PAFAH1B1: variants seen among roughly 807,000 people sequenced by gnomAD.
PAFAH1B1 encodes the protein platelet activating factor acetylhydrolase 1b regulatory subunit 1, also known as platelet-activating factor acetylhydrolase IB subunit beta.
Under a neutral mutation model 57.5 loss-of-function variants are expected in PAFAH1B1, and 2 were observed. That is an observed-to-expected ratio of 0.03 (90% confidence interval 0.01 to 0.11). PAFAH1B1 has a LOEUF of 0.11. Ranked by LOEUF, PAFAH1B1 falls within the 10% of genes least tolerant of loss-of-function variation. The pLI, the probability that PAFAH1B1 is intolerant of heterozygous loss-of-function variation, is 1.00. For synonymous variants in PAFAH1B1, 152 were observed against 169.6 expected (o/e 0.90, Z 0.81); for missense variants, 257 against 512.0 (o/e 0.50, Z 4.81).
chr17:2,645,406 C>T (rs2068754097), intron 2 of PAFAH1B1, among the ~76,000 whole-genome samples: 1 of 151,614 alleles, frequency 6.6e-6, no homozygotes, highest in African/African-American at 2.4e-5. Context: ...CCAACCTGGC[C>T]AACATGGTGA....
intron 1 of PAFAH1B1, among the ~76,000 whole-genome samples, chr17:2,628,885 C>T (rs571714318): frequency 2.4e-4 from 36 of 152,150 alleles, no homozygotes; most frequent in Non-Finnish European, 4.6e-4. Context: ...TAAAGGTGCT[C>T]ACAGTAGCCT....
intron 1 of PAFAH1B1, among the ~76,000 whole-genome samples, chr17:2,630,503 T>C (rs937213705): frequency 1.3e-5 from 2 of 152,234 alleles, no homozygotes; most frequent in African/African-American, 4.8e-5. Context: ...GGTTTTCCTT[T>C]ATAGGTTACC....
intron 1 of PAFAH1B1, among the ~76,000 whole-genome samples, chr17:2,615,432 A>G (rs9908889): frequency 0.4 from 60,146 of 152,066 alleles, 13,421 homozygotes; most frequent in African/African-American, 0.61. Context: ...AGACAAAAGT[A>G]GGAAACTTTC....
intron 6 of PAFAH1B1, among the ~76,000 whole-genome samples, chr17:2,671,184 G>GA (rs2069174951): frequency 6.6e-6 from 1 of 151,900 alleles, no homozygotes; most frequent in Admixed American, 6.6e-5. Context: ...TTCCACGCAT[G>GA]AACACTGTTT....
intron 1 of PAFAH1B1, among the ~76,000 whole-genome samples, chr17:2,615,038 C>CTCCA (rs35382225): frequency 0.29 from 43,775 of 151,960 alleles, 6,439 homozygotes; most frequent in Middle Eastern, 0.36. Flanking sequence ...ATTCAACCAA[C>CTCCA]TCCAGATTGA....
intron 1 of PAFAH1B1, among the ~76,000 whole-genome samples, chr17:2,599,874 G>A (rs2068120383): frequency 6.7e-6 from 1 of 148,984 alleles, no homozygotes; most frequent in Non-Finnish European, 1.5e-5. Context: ...GTAAAATTAA[G>A]AATCTTTGAA....
At chr17:2,593,588 T>TGGG (rs1555520014), upstream of PAFAH1B1, among the ~76,000 whole-genome samples, 1 of 135,356 alleles carries the variant, frequency 7.4e-6, no homozygotes, top group Non-Finnish European at 1.6e-5. Context: ...CTGGCGGGTC[T>TGGG]GGGGCGGCGG....
intron 1 of PAFAH1B1, among the ~76,000 whole-genome samples, chr17:2,609,326 A>G (rs2068240430): frequency 6.6e-6 from 1 of 150,736 alleles, no homozygotes; most frequent in African/African-American, 2.4e-5. Flanking sequence ...GCCTGCCTTT[A>G]GATGAGCATA....
At chr17:2,646,328 T>C (rs186779553) in intron 2 of PAFAH1B1, among the ~76,000 whole-genome samples, 6 of 152,332 alleles carry the variant, frequency 3.9e-5, no homozygotes, top group Non-Finnish European at 7.3e-5. Context: ...AAATGAACTT[T>C]ATAGGAATGA....
chr17:2,662,378 T>TGTG (rs2069027889), intron 2 of PAFAH1B1, among the ~76,000 whole-genome samples: 9 of 123,782 alleles, frequency 7.3e-5, no homozygotes, highest in Non-Finnish European at 9.9e-5. Flanking sequence ...TTTAACCTCT[T>TGTG]TGTGTGTGTG....
chr17:2,665,564 C>T, intron 3 of PAFAH1B1, 108 bp downstream of exon 3: 1 of 695,376 alleles, frequency 1.4e-6, no homozygotes, highest in South Asian at 1.6e-5. Context: ...TTGTGGTCTA[C>T]TTGGTACTGA....
At chr17:2,612,516 C>T (rs1665973712) in intron 1 of PAFAH1B1, among the ~76,000 whole-genome samples, 1 of 150,408 alleles carries the variant, frequency 6.6e-6, no homozygotes, top group African/African-American at 2.4e-5. Context: ...CCGTATCTTC[C>T]CGACAATCTT....
chr17:2,630,240 T>G (rs2151628931), intron 1 of PAFAH1B1, among the ~76,000 whole-genome samples: 1 of 152,324 alleles, frequency 6.6e-6, no homozygotes, highest in Middle Eastern at 3.4e-3. Flanking sequence ...TCTGTTTTGA[T>G]GTGTTTCAAG....
At chr17:2,593,609 G>A (rs2068046858), upstream of PAFAH1B1, 1 of 216,698 alleles carries the variant, frequency 4.6e-6, no homozygotes, top group Non-Finnish European at 9.0e-6. Context: ...CGGCGGCGGC[G>A]GCGGCGGCGC....
In PAFAH1B1 at chr17:2,665,358, A is replaced by G. The variant is rs777496467; in HGVS notation, c.33-14A>G. ...AGGTCTTTTTTTTAGGAGTCATTTG[A>G]ATTTTTCTTTCAGAAATCGAGCTAT... is the stretch of plus-strand genomic sequence containing the variant. On this transcript the variant is annotated splice_polypyrimidine_tract_variant and intron_variant, in intron 2 of 10. Transcript: ENST00000397195. The G allele has an allele frequency of 1.3e-6, 2 of 1,506,800 alleles. No homozygotes were observed. Among genetic ancestry groups the G allele is most frequent in the Non-Finnish European group, 1.8e-6 (2 of 1,084,478 alleles). 93.3% of individuals were successfully genotyped at this position (1,506,800 alleles called of 1,614,324 possible). A position where few individuals can be genotyped will look rare whatever the true frequency, so the allele number is the denominator to read the frequency against.
chr17:2,667,892 C>T (rs1166256967), intron 5 of PAFAH1B1, among the ~76,000 whole-genome samples: 4 of 151,526 alleles, frequency 2.6e-5, no homozygotes, highest in African/African-American at 9.7e-5. Flanking sequence ...TGCCTTTGTT[C>T]CGGACACAAT....
At chr17:2,646,126 C>G (rs1332134879) in intron 2 of PAFAH1B1, among the ~76,000 whole-genome samples, 1 of 151,678 alleles carries the variant, frequency 6.6e-6, no homozygotes, top group Admixed American at 6.6e-5. Flanking sequence ...CTAAAGAAAG[C>G]AGGAAAGGGG....
intron 2 of PAFAH1B1, among the ~76,000 whole-genome samples, chr17:2,649,531 G>A (rs576793347): frequency 2.3e-4 from 33 of 141,936 alleles, no homozygotes; most frequent in African/African-American, 7.8e-4. Context: ...AGCGGATGTC[G>A]TGCCACTGCA....
chr17:2,626,932 A>T (rs1268736063), intron 1 of PAFAH1B1, among the ~76,000 whole-genome samples: 3 of 151,752 alleles, frequency 2.0e-5, no homozygotes, highest in Non-Finnish European at 4.4e-5. Context: ...CAACTTTTTG[A>T]TGGGATTGTT....
Sources: allele counts gnomAD v4.1 joint callset (sites outside exome capture counted in the v4.1 genomes callset), GRCh38; gene constraint gnomAD v4.1.1; transcripts MANE v1.5; gene names NCBI Gene and HGNC (gene_info 2026-07-23, HGNC 2026-07-21).